ZNF568: variants seen among roughly 807,000 people sequenced by gnomAD.
The protein encoded by ZNF568 is zinc finger protein 568, also known as p53 inhibitor of SCO2 activation.
ZNF568 carries 11 observed loss-of-function variants against 18.1 expected under a neutral mutation model. The observed-to-expected ratio is 0.61, with a 90% CI of 0.38 to 1.00. The LOEUF (loss-of-function observed/expected upper bound fraction) is 1.00. ZNF568 is among the 50% of genes least tolerant of loss of function. The pLI is 0.01. For missense variants in ZNF568, 639 were observed against 768.2 expected (o/e 0.83, Z 1.99); for synonymous variants, 213 against 246.6 (o/e 0.86, Z 1.28).
At chr19:36,930,244 C>G (rs1308209358) in intron 4 of ZNF568, among the ~76,000 whole-genome samples, 3 of 149,372 alleles carry the variant, frequency 2.0e-5, no homozygotes, top group Admixed American at 2.0e-4. Context: ...GAGTCTCGCT[C>G]TGTCGCCCAG....
chr19:36,942,610 A>AG (rs1421255689), intron 6 of ZNF568, among the ~76,000 whole-genome samples: 1 of 149,178 alleles, frequency 6.7e-6, no homozygotes, highest in East Asian at 2.0e-4. Context: ...AAAAAAAAAA[A>AG]AAAAAAAGAA....
At chr19:36,976,897 CA>C (rs35662318) in intron 7 of ZNF568, among the ~76,000 whole-genome samples, 82,897 of 151,596 alleles carry the variant, frequency 0.55, 23,331 homozygotes, top group African/African-American at 0.66. Flanking sequence ...GCAACAAGAG[CA>C]AAACTCCGTC....
At chr19:36,920,393 C>T (rs1427144834) in intron 2 of ZNF568, among the ~76,000 whole-genome samples, 2 of 151,970 alleles carry the variant, frequency 1.3e-5, no homozygotes, top group African/African-American at 4.8e-5. Flanking sequence ...GAGGCCGAGG[C>T]GGGTGGATTA....
In ZNF568 at chr19:36,951,625, A is replaced by G. The variant is rs1192764139; in HGVS notation, c.*537A>G. The stretch of plus-strand genomic sequence containing the variant: ...GGGAATATTTGACTCTCCGTATTGG[A>G]GAAAATAAAATTACAACATTACGAC... On this transcript the variant is annotated 3_prime_UTR_variant, in exon 7 of 7. Transcript: ENST00000333987. 2 of 151,666 alleles carry G rather than the reference A, an allele frequency of 1.3e-5. No individual in the cohort carries two copies. The highest frequency in any genetic ancestry group is 2.9e-5 in the Non-Finnish European group (2 of 67,922). The allele number at this position is 151,666 out of a possible 1,614,324, so 9.4% of individuals were successfully genotyped here.
downstream of ZNF568, chr19:36,997,513 C>T (rs1568412780): frequency 7.6e-6 from 12 of 1,588,302 alleles, no homozygotes; most frequent in Admixed American, 1.8e-4. Context: ...AGAACTCACA[C>T]ATCATGAGAG....
At chr19:36,990,596 C>G (rs1330701319) in intron 2 of ZNF568, among the ~76,000 whole-genome samples, 1 of 152,092 alleles carries the variant, frequency 6.6e-6, no homozygotes, top group Non-Finnish European at 1.5e-5. Context: ...GCCTGGGCAC[C>G]CAAGTGAGAC....
At chr19:36,973,435 AAG>A (rs1029628701) in intron 6 of ZNF568, 4 of 153,388 alleles carry the variant, frequency 2.6e-5, no homozygotes, top group African/African-American at 7.2e-5. Context: ...ATGGGGAAGG[AAG>A]AGAGTGTCGG....
At chr19:36,971,562 G>T (rs1021285116) in intron 6 of ZNF568, among the ~76,000 whole-genome samples, 12 of 152,086 alleles carry the variant, frequency 7.9e-5, no homozygotes, top group Admixed American at 7.2e-4. Context: ...TAACTTTAAA[G>T]ATATTATTGC....
chr19:36,975,673 C>T (rs569523383), intron 7 of ZNF568, among the ~76,000 whole-genome samples: 146 of 117,762 alleles, frequency 1.2e-3, no homozygotes, highest in African/African-American at 4.2e-3. Context: ...TGAGCCACCG[C>T]GCCAAGACTT....
intron 4 of ZNF568, among the ~76,000 whole-genome samples, chr19:36,935,690 C>T (rs1297373729): frequency 1.3e-5 from 2 of 151,556 alleles, no homozygotes; most frequent in Non-Finnish European, 2.9e-5. Flanking sequence ...ATTGTTATAT[C>T]TTTCTGCCAG....
intron 7 of ZNF568, among the ~76,000 whole-genome samples, chr19:36,976,117 A>C (rs1568404245): frequency 6.6e-6 from 1 of 152,192 alleles, no homozygotes. Flanking sequence ...AAAGTTTCAA[A>C]ATTTGAGGGA....
intron 3 of ZNF568, 80 bp from the exon 4 acceptor site, chr19:36,925,120 C>A (rs1667382): frequency 0.55 from 718,290 of 1,317,752 alleles, 199,048 homozygotes; most frequent in African/African-American, 0.7. Context: ...AGAGGGTCTT[C>A]TAGCCACCTG....
intron 6 of ZNF568, among the ~76,000 whole-genome samples, chr19:36,940,649 A>G (rs1406521287): frequency 6.6e-6 from 1 of 152,212 alleles, no homozygotes; most frequent in East Asian, 1.9e-4. Flanking sequence ...GTCACATGAG[A>G]TAGTGTTGAA....
At chr19:36,945,092 ACAGT>A (rs2073940545) in intron 6 of ZNF568, among the ~76,000 whole-genome samples, 1 of 152,040 alleles carries the variant, frequency 6.6e-6, no homozygotes, top group Non-Finnish European at 1.5e-5. Context: ...CTCTAAAGTT[ACAGT>A]CAGAGAAGTC....
At chr19:36,990,620 C>T (rs1372551218) in intron 2 of ZNF568, among the ~76,000 whole-genome samples, 1 of 151,928 alleles carries the variant, frequency 6.6e-6, no homozygotes, top group African/African-American at 2.4e-5. Context: ...GTCTCAAAAA[C>T]AAAAAATTGT....
At chr19:36,938,874 GT>G (rs1182830418) in intron 6 of ZNF568, among the ~76,000 whole-genome samples, 1 of 152,148 alleles carries the variant, frequency 6.6e-6, no homozygotes, top group African/African-American at 2.4e-5. Flanking sequence ...ATCAGTATCA[GT>G]TTTTCCTTTC....
chr19:36,987,767 A>G (rs1463637930), intron 2 of ZNF568, among the ~76,000 whole-genome samples: 1 of 151,788 alleles, frequency 6.6e-6, no homozygotes, highest in Non-Finnish European at 1.5e-5. Context: ...GATTCAAGAA[A>G]GACAAAGGTT....
exon 8 of ZNF568, chr19:36,979,516 G>A (rs1005089292): frequency 1.3e-5 from 2 of 152,038 alleles, no homozygotes; most frequent in Non-Finnish European, 2.9e-5. Flanking sequence ...AACCATATGT[G>A]TTTATTTTCC....
intron 2 of ZNF568, among the ~76,000 whole-genome samples, chr19:36,990,215 C>T (rs563035561): frequency 6.6e-6 from 1 of 152,254 alleles, no homozygotes; most frequent in South Asian, 2.1e-4. Context: ...CGTGTGACAT[C>T]GTTGTGAGTC....
Sources: gnomAD v4.1 joint callset for allele counts (sites outside exome capture counted in the v4.1 genomes callset) on GRCh38, gnomAD v4.1.1 for gene constraint, MANE v1.5 for transcripts, NCBI Gene and HGNC (gene_info 2026-07-23, HGNC 2026-07-21) for gene names.